Variants in ABCD3 observed in about 807,000 individuals in gnomAD.
ABCD3 encodes ATP-binding cassette sub-family D member 3.
ABCD3 carries 41 observed loss-of-function variants against 105.5 expected under a neutral mutation model. That is an observed-to-expected ratio of 0.39 (90% CI 0.30 to 0.50). The LOEUF (loss-of-function observed/expected upper bound fraction) is 0.50, where lower values mean the gene tolerates loss of function less well. Among genes scored for constraint, ABCD3 ranks in the 20% least tolerant of loss-of-function variants. The pLI is 0.84. For synonymous variants in ABCD3, 258 were observed against 269.0 expected (o/e 0.96, Z 0.40); for missense variants, 622 against 806.3 (o/e 0.77, Z 2.77).
chr1:94,509,800 T>C (rs963348973), intron 21 of ABCD3, among the ~76,000 whole-genome samples: 13 of 152,240 alleles, frequency 8.5e-5, no homozygotes, highest in Non-Finnish European at 1.5e-4. Context: ...TATTCTCCGA[T>C]GGTAGTTTGT....
chr1:94,494,376 C>G (rs1649695698), intron 16 of ABCD3, among the ~76,000 whole-genome samples: 1 of 152,118 alleles, frequency 6.6e-6, no homozygotes, highest in Non-Finnish European at 1.5e-5. Flanking sequence ...TCTCTGACTT[C>G]TTTTTGGTTC....
At chr1:94,395,116 T>G in the ABCD3 span, among the ~76,000 whole-genome samples, 1 of 152,204 alleles carries the variant, frequency 6.6e-6, no homozygotes, top group Non-Finnish European at 1.5e-5. Flanking sequence ...TCCTGAACCT[T>G]GCTTTTCTTC....
At chr1:94,435,515 A>G (rs1317748973) in intron 1 of ABCD3, among the ~76,000 whole-genome samples, 4 of 152,174 alleles carry the variant, frequency 2.6e-5, no homozygotes. Flanking sequence ...TGGGCAACAG[A>G]GCAAGATTCT....
intron 1 of ABCD3, among the ~76,000 whole-genome samples, chr1:94,457,747 A>G (rs909802214): frequency 1.1e-4 from 16 of 152,046 alleles, no homozygotes; most frequent in Admixed American, 7.2e-4. Context: ...AGAATTTCCT[A>G]TATGGTTGGC....
the ABCD3 span, among the ~76,000 whole-genome samples, chr1:94,401,886 C>A: frequency 1.3e-5 from 2 of 152,144 alleles, no homozygotes; most frequent in Non-Finnish European, 2.9e-5. Context: ...TTTGTAAATA[C>A]CCATAAAACC....
intron 1 of ABCD3, among the ~76,000 whole-genome samples, chr1:94,421,066 A>ATG (rs1659242029): frequency 6.6e-6 from 1 of 152,088 alleles, no homozygotes; most frequent in African/African-American, 2.4e-5. Context: ...TCTCATATAT[A>ATG]TGTGTGTGTG....
chr1:94,507,319 C>G (rs1159885955), intron 21 of ABCD3, among the ~76,000 whole-genome samples: 1 of 152,122 alleles, frequency 6.6e-6, no homozygotes, highest in Non-Finnish European at 1.5e-5. Flanking sequence ...AGGACATGAA[C>G]TCATCATTTT....
At chr1:94,456,626 A>G (rs1035720323) in intron 1 of ABCD3, among the ~76,000 whole-genome samples, 11 of 149,672 alleles carry the variant, frequency 7.3e-5, no homozygotes, top group Non-Finnish European at 3.0e-5. Flanking sequence ...TATATACCAC[A>G]TATTCTTTAT....
At chr1:94,451,005 ATG>A (rs1345961030) in intron 1 of ABCD3, among the ~76,000 whole-genome samples, 1 of 152,138 alleles carries the variant, frequency 6.6e-6, no homozygotes, top group African/African-American at 2.4e-5. Flanking sequence ...TTTCTTAGCC[ATG>A]TGAAATCTCT....
chr1:94,460,299 A>T (rs753583460), intron 2 of ABCD3, among the ~76,000 whole-genome samples: 5 of 152,186 alleles, frequency 3.3e-5, no homozygotes, highest in African/African-American at 1.2e-4. Context: ...TTATCTACAA[A>T]TTTAATTTGC....
At chr1:94,405,870 AGTTT>A in the ABCD3 span, among the ~76,000 whole-genome samples, 2 of 151,750 alleles carry the variant, frequency 1.3e-5, no homozygotes, top group Admixed American at 1.3e-4. Context: ...GTTTTCTTCT[AGTTT>A]GTTGTTTGCC....
chr1:94,458,474 G>A (rs1647698482), intron 1 of ABCD3, 133 bp from the exon 2 acceptor site: 2 of 788,056 alleles, frequency 2.5e-6, no homozygotes, highest in African/African-American at 1.8e-5. Context: ...TATTTAATAT[G>A]TTCTATCTCA....
At chr1:94,390,714 G>A in the ABCD3 span, among the ~76,000 whole-genome samples, 7 of 152,160 alleles carry the variant, frequency 4.6e-5, no homozygotes, top group South Asian at 2.1e-4. Context: ...AGTTGCAAGT[G>A]TCTTACCATG....
chr1:94,500,465 T>A (rs1278430509), intron 20 of ABCD3, among the ~76,000 whole-genome samples: 1 of 151,876 alleles, frequency 6.6e-6, no homozygotes, highest in Non-Finnish European at 1.5e-5. Context: ...TAAATAAAAA[T>A]TTAAAAAGAA....
At chr1:94,447,430 GTTTC>G (rs1424692106) in intron 1 of ABCD3, among the ~76,000 whole-genome samples, 2 of 152,168 alleles carry the variant, frequency 1.3e-5, no homozygotes, top group African/African-American at 2.4e-5. Context: ...TTAAAAGACT[GTTTC>G]TTTACTATCC....
At chr1:94,506,734 C>A in intron 21 of ABCD3, 92 bp downstream of exon 21, 1 of 870,128 alleles carries the variant, frequency 1.1e-6, no homozygotes, top group Non-Finnish European at 1.9e-6. Flanking sequence ...TTCCAGGTCA[C>A]TAAGTAACAA....
At chr1:94,441,548 T>A (rs1660135060) in intron 1 of ABCD3, among the ~76,000 whole-genome samples, 1 of 152,198 alleles carries the variant, frequency 6.6e-6, no homozygotes, top group South Asian at 2.1e-4. Context: ...GGTTATTCAT[T>A]GGGCATTTCT....
the ABCD3 span, among the ~76,000 whole-genome samples, chr1:94,395,577 A>C: frequency 1.3e-5 from 2 of 152,194 alleles, no homozygotes; most frequent in African/African-American, 4.8e-5. Context: ...GTCTCTTACC[A>C]GTGCTTCCCA....
chr1:94,458,966 C>T (rs1411961176), intron 2 of ABCD3, among the ~76,000 whole-genome samples: 3 of 135,332 alleles, frequency 2.2e-5, no homozygotes, highest in Non-Finnish European at 3.2e-5. Context: ...CGCTTCCCTC[C>T]CCTCCTCCAC....
Sources: gnomAD v4.1 joint callset for allele counts (sites outside exome capture counted in the v4.1 genomes callset) on GRCh38, gnomAD v4.1.1 for gene constraint, MANE v1.5 for transcripts, NCBI Gene and HGNC (gene_info 2026-07-23, HGNC 2026-07-21) for gene names.